Variants in OSBPL2 observed in about 807,000 individuals in gnomAD.
OSBPL2 encodes the protein oxysterol-binding protein-related protein 2.
Under a neutral mutation model 58.4 loss-of-function variants are expected in OSBPL2, and 18 were observed. That is an observed-to-expected ratio of 0.31 (90% confidence interval 0.21 to 0.46). The LOEUF is 0.46. Among genes scored for constraint, OSBPL2 ranks in the 20% least tolerant of loss-of-function variants. The probability of loss-of-function intolerance (pLI) is 1.00; values close to 1 mark genes in which losing one functional copy is unlikely to be tolerated. For missense variants in OSBPL2, 461 were observed against 616.5 expected (o/e 0.75, Z 2.67); for synonymous variants, 221 against 234.1 (o/e 0.94, Z 0.51).
chr20:62,261,477 C>T (rs1027013696), intron 3 of OSBPL2, among the ~76,000 whole-genome samples: 12 of 152,188 alleles, frequency 7.9e-5, no homozygotes, highest in South Asian at 2.1e-4. Flanking sequence ...GGCTCTCCTT[C>T]GAGCTGTAGG....
At chr20:62,280,689 C>T (rs1400808725) in intron 7 of OSBPL2, among the ~76,000 whole-genome samples, 1 of 152,232 alleles carries the variant, frequency 6.6e-6, no homozygotes, top group Non-Finnish European at 1.5e-5. Flanking sequence ...AGCCATGTGC[C>T]AGCTCCCCAG....
intron 7 of OSBPL2, chr20:62,280,209 C>A (rs1262360209): frequency 1.1e-6 from 1 of 928,448 alleles, no homozygotes; most frequent in Non-Finnish European, 1.5e-6. Flanking sequence ...TAAACGACAC[C>A]TTGCCTGATG....
rs751319753 is a variant in OSBPL2 at position 62,272,151 on chromosome 20, C to A, written c.285C>A (p.Ile95=). 20 of 1,613,850 alleles carry A rather than the reference C, an allele frequency of 1.2e-5. No individual in the cohort carries two copies. The highest frequency in any genetic ancestry group is 1.7e-5 in the Non-Finnish European group (20 of 1,179,952). ...AGCTGTCCAAGATCACGATGCCAAT[C>A]GCCTTCAACGAGCCTCTGAGCTTCT... ...GLELSKITMP[I]AFNEPLSFLQ... is the part of the protein sequence containing the mutation. The change falls in exon 5 of 14, where the codon ATC becomes ATA. Residue 95 remains isoleucine (I), a synonymous_variant. Transcript: ENST00000313733.
intron 7 of OSBPL2, among the ~76,000 whole-genome samples, chr20:62,280,576 C>T (rs1222534069): frequency 6.6e-6 from 1 of 152,228 alleles, no homozygotes; most frequent in Non-Finnish European, 1.5e-5. Flanking sequence ...TCTGCTGCCT[C>T]ACATTGGTGG....
rs1056540255 is a variant in OSBPL2 at position 62,269,895 on chromosome 20, CT to C, written c.259-2229del. 6.6e-6 allele frequency among the ~76,000 whole-genome samples: 1 copy of C among 152,244 alleles called. No individual in the cohort carries two copies. Among genetic ancestry groups the C allele is most frequent in the Admixed American group, 6.5e-5 (1 of 15,292 alleles). ...AGTTGGAATCCAGTTCTAGCCCCTCCTAAGCCCACAGTCCCCGTGTGTCCAG... is the reference window on the plus strand; with the variant it reads ...AGTTGGAATCCAGTTCTAGCCCCTCCAAGCCCACAGTCCCCGTGTGTCCAG... On this transcript the variant is annotated intron_variant, in intron 4 of 13. Coordinates refer to ENST00000313733, the MANE Select transcript of OSBPL2 (RefSeq NM_144498.4). The surrounding 1 kb of genome is among the most constrained non-coding windows in gnomAD (Gnocchi z 4.2).
intron 6 of OSBPL2, among the ~76,000 whole-genome samples, chr20:62,276,544 G>T (rs548443177): frequency 6.6e-6 from 1 of 152,350 alleles, no homozygotes; most frequent in South Asian, 2.1e-4. Context: ...CCAACTTTGT[G>T]TTTTTTGTCT....
rs778991222 is a variant in OSBPL2 at position 62,281,043 on chromosome 20, C to T, written c.675-15C>T. 8.8e-6 allele frequency: 14 copies of T among 1,590,976 alleles called. No homozygotes were observed. The Admixed American group carries it at 1.7e-4, about 19-fold the overall frequency. The stretch of plus-strand genomic sequence containing the variant: ...TTTCTGGACTCTCACTGCTTGTTTT[C>T]TGGTGTCTTCACAGACATAATGAAG... On this transcript the variant is annotated splice_polypyrimidine_tract_variant and intron_variant, in intron 7 of 13. Transcript: ENST00000313733.
rs1980906848 is a variant in OSBPL2, at chr20:62,256,150, A to T, written c.-35A>T. On this transcript the variant is annotated 5_prime_UTR_variant, in exon 2 of 14. Coordinates refer to ENST00000313733, the MANE Select transcript of OSBPL2 (RefSeq NM_144498.4). ...AGATACGATGATTCAGTAGAAGAGCACATGTCAGGGGCAGTGGAGGCTGGC... is the reference window on the plus strand; with the variant it reads ...AGATACGATGATTCAGTAGAAGAGCTCATGTCAGGGGCAGTGGAGGCTGGC... 1 of 1,611,262 alleles carries T rather than the reference A, an allele frequency of 6.2e-7. No individual in the cohort carries two copies. Among genetic ancestry groups the T allele is most frequent in the Admixed American group, 1.7e-5 (1 of 59,904 alleles).
At chr20:62,268,854 G>A (rs948275680) in intron 4 of OSBPL2, among the ~76,000 whole-genome samples, 3 of 152,166 alleles carry the variant, frequency 2.0e-5, no homozygotes, top group South Asian at 2.1e-4. Flanking sequence ...TCAGGAGTTC[G>A]AGACCAGTCT....
In OSBPL2 at chr20:62,259,974, C is replaced by T. The variant is rs769455624; in HGVS notation, c.38-7C>T. ...AGCGAAAATGACCATTTTCTTGTCT[C>T]GCACAGGCTTTGATTCTGATAACTC... On this transcript the variant is annotated splice_polypyrimidine_tract_variant and splice_region_variant and intron_variant, in intron 2 of 13. Coordinates refer to ENST00000313733, the MANE Select transcript of OSBPL2 (RefSeq NM_144498.4). The T allele has an allele frequency of 3.2e-5, 51 of 1,611,222 alleles. No homozygotes were observed. In the South Asian group the frequency reaches 3.4e-4, roughly 11 times the overall value.
chr20:62,245,491 A>G lies in OSBPL2; in HGVS notation c.-129+6894A>G, dbSNP rs140160916. ...AGAGCCCCACGCTAAGAAGAACCATACAGGCCTGAAGAAGGCGGAGAGGTT... is the reference window on the plus strand; with the variant it reads ...AGAGCCCCACGCTAAGAAGAACCATGCAGGCCTGAAGAAGGCGGAGAGGTT... On this transcript the variant is annotated intron_variant, in intron 1 of 13. Transcript: ENST00000313733. Among the ~76,000 whole-genome samples the G allele has an allele frequency of 3.2e-4, 49 of 152,328 alleles. No homozygotes were observed. In the East Asian group the frequency reaches 9.5e-3, roughly 29 times the overall value.
At chr20:62,261,188 C>T (rs937760719) in intron 3 of OSBPL2, among the ~76,000 whole-genome samples, 3 of 151,954 alleles carry the variant, frequency 2.0e-5, no homozygotes, top group Non-Finnish European at 4.4e-5. Flanking sequence ...TGGCTGTGCG[C>T]ATCTGTAGTC....
In OSBPL2 at chr20:62,284,064, G is replaced by C; in HGVS notation, c.891G>C (p.Met297Ile). The change falls in exon 10 of 14, where the codon ATG becomes ATC. Residue 297 changes from methionine (M) to isoleucine (I), a missense_variant. Coordinates refer to ENST00000313733, the MANE Select transcript of OSBPL2 (RefSeq NM_144498.4). ...ATTACAGCAAAAAGAAGCTCTTTAT[G>C]ATCTATGGCAAATGGACGGAATGTT... ...IQDKNKKKLF[M>I]IYGKWTECLW... The C allele has an allele frequency of 6.2e-7, 1 of 1,613,604 alleles. No homozygotes were observed. Among genetic ancestry groups the C allele is most frequent in the African/African-American group, 1.3e-5 (1 of 75,004 alleles).
intron 13 of OSBPL2, among the ~76,000 whole-genome samples, chr20:62,292,858 C>T (rs1041663907): frequency 1.3e-5 from 2 of 151,060 alleles, no homozygotes; most frequent in Admixed American, 6.7e-5. Context: ...GAAAAATCAG[C>T]TTCAAAATAG....
intron 1 of OSBPL2, among the ~76,000 whole-genome samples, chr20:62,254,451 C>G (rs1318647063): frequency 1.3e-5 from 2 of 152,266 alleles, no homozygotes; most frequent in African/African-American, 2.4e-5. Context: ...CAAGCACACC[C>G]TGGCCGTGAG....
intron 4 of OSBPL2, among the ~76,000 whole-genome samples, chr20:62,265,501 G>A (rs1163040505): frequency 1.3e-5 from 2 of 152,148 alleles, no homozygotes; most frequent in Non-Finnish European, 2.9e-5. Context: ...CTTCCCCAGG[G>A]AGCCCATTCA....
At position 62,256,157 on chromosome 20, in the gene OSBPL2, A is replaced by G; in HGVS notation, c.-28A>G. ...ATGATTCAGTAGAAGAGCACATGTC[A>G]GGGGCAGTGGAGGCTGGCTGCTGAA... On this transcript the variant is annotated 5_prime_UTR_variant, in exon 2 of 14. Transcript: ENST00000313733. 1 of 1,612,678 alleles carries G rather than the reference A, an allele frequency of 6.2e-7. No individual in the cohort carries two copies. Among genetic ancestry groups the G allele is most frequent in the Non-Finnish European group, 8.5e-7 (1 of 1,178,864 alleles).
Position 62,294,201 on chromosome 20 carries a change from C to G in OSBPL2, c.*314C>G, listed in dbSNP as rs1279267105. On this transcript the variant is annotated 3_prime_UTR_variant, in exon 14 of 14. Transcript: ENST00000313733. ...GCTTGTTTAGCTTCCAGCACACTCT[C>G]AGTCATAGCATGTGTAGCTAAAGGA... The G allele has an allele frequency of 2.4e-6, 1 of 408,840 alleles. No individual in the cohort carries two copies. The highest frequency in any genetic ancestry group is 2.1e-5 in the African/African-American group (1 of 47,532). The allele number at this position is 408,840 out of a possible 1,614,324, so 25.3% of individuals were successfully genotyped here.
chr20:62,273,291 C>G lies in OSBPL2; in HGVS notation c.394-18C>G, dbSNP rs771732230. 2.2e-5 allele frequency: 36 copies of G among 1,601,708 alleles called. No homozygotes were observed. The highest frequency in any genetic ancestry group is 3.4e-5 in the Admixed American group (2 of 58,000). ...CCTAACTGAAGCTGTGCCTGTCCCC[C>G]CCGTGGATTATTTACAGTCTGTGGC... On this transcript the variant is annotated intron_variant, in intron 5 of 13. Transcript: ENST00000313733.
Sources: gnomAD v4.1 joint callset for allele counts (sites outside exome capture counted in the v4.1 genomes callset) on GRCh38, gnomAD v4.1.1 for gene constraint, Gnocchi (gnomAD v3.1) non-coding constraint, MANE v1.5 for transcripts, NCBI Gene and HGNC (gene_info 2026-07-23, HGNC 2026-07-21) for gene names.